The following CADM2 variants were observed in gnomAD, a reference collection of about 807,000 sequenced individuals.
CADM2 encodes cell adhesion molecule 2.
CADM2 carries 12 observed loss-of-function variants against 49.8 expected under a neutral mutation model. The ratio of observed to expected loss-of-function variants is 0.24; its 90% CI spans 0.15 to 0.39. The LOEUF (loss-of-function observed/expected upper bound fraction) is 0.39. Ranked by LOEUF, CADM2 falls within the 10% of genes least tolerant of loss-of-function variation. CADM2 has a pLI of 1.00. For synonymous variants in CADM2, 214 were observed against 175.4 expected, an observed-to-expected ratio of 1.22 and a Z score of -1.74; for missense variants, 378 against 492.3, an observed-to-expected ratio of 0.77 and a Z score of 2.20.
chr3:85,205,997 T>C (rs571485201), intron 1 of CADM2, among the ~76,000 whole-genome samples: 1 of 152,158 alleles, frequency 6.6e-6, no homozygotes, highest in South Asian at 2.1e-4. Context: ...AAATACTTCA[T>C]GAAGAGCCGG....
chr3:85,352,031 C>T lies in CADM2; in HGVS notation c.62-374491C>T, dbSNP rs151013691. On this transcript the variant is annotated intron_variant, in intron 1 of 9. Transcript: ENST00000383699. ...TGTTTAAGTCATATATTGCTGTTGACTTTGAGTATTTCCTTAAATACTTTT... is the reference window on the plus strand; with the variant it reads ...TGTTTAAGTCATATATTGCTGTTGATTTTGAGTATTTCCTTAAATACTTTT... Among the ~76,000 whole-genome samples the T allele has an allele frequency of 2.3e-3, 346 of 152,058 alleles. 2 individuals are homozygous for T. Among genetic ancestry groups the T allele is most frequent in the African/African-American group, 8.0e-3 (332 of 41,504 alleles).
At chr3:85,168,721 A>G (rs1311490910) in intron 1 of CADM2, among the ~76,000 whole-genome samples, 6 of 152,164 alleles carry the variant, frequency 3.9e-5, no homozygotes, top group South Asian at 2.1e-4. Context: ...TCTGAAATAA[A>G]ACTTAATAGA....
chr3:85,860,399 G>GA (rs112545486), intron 3 of CADM2, among the ~76,000 whole-genome samples: 4 of 151,362 alleles, frequency 2.6e-5, no homozygotes, highest in Admixed American at 1.3e-4. Context: ...TATATGGAGG[G>GA]AAAAAAAACA....
Position 85,988,369 on chromosome 3 carries a change from C to T in CADM2, c.970+26722C>T, listed in dbSNP as rs748598403. ...ATAAGGTAACTACAAGACAAGGAAG[C>T]AGATTTTTCTGAATACCTTCTGAAA... On this transcript the variant is annotated intron_variant, in intron 8 of 9. Transcript: ENST00000383699. 3.5e-4 allele frequency among the ~76,000 whole-genome samples: 54 copies of T among 152,122 alleles called. 1 individual carries two copies. The highest frequency in any genetic ancestry group is 1.9e-3 in the Admixed American group (29 of 15,260).
At chr3:85,659,482 A>C (rs528088468) in intron 1 of CADM2, among the ~76,000 whole-genome samples, 14 of 152,252 alleles carry the variant, frequency 9.2e-5, no homozygotes, top group African/African-American at 3.4e-4. Flanking sequence ...GTAAACCAAA[A>C]AATAATGCAG....
chr3:85,717,050 G>C (rs946972735), intron 1 of CADM2, among the ~76,000 whole-genome samples: 1 of 152,200 alleles, frequency 6.6e-6, no homozygotes, highest in Non-Finnish European at 1.5e-5. Context: ...GTTGTAGCTT[G>C]ATGGGAATAG....
At chr3:85,213,916 C>A (rs1313458472) in intron 1 of CADM2, among the ~76,000 whole-genome samples, 1 of 152,044 alleles carries the variant, frequency 6.6e-6, no homozygotes, top group South Asian at 2.1e-4. Context: ...TGCTTTATTC[C>A]TTGTAATCAT....
chr3:86,004,218 C>G (rs1577920670), intron 8 of CADM2, among the ~76,000 whole-genome samples: 2 of 152,026 alleles, frequency 1.3e-5, no homozygotes, highest in East Asian at 3.9e-4. Flanking sequence ...AAATAACATT[C>G]CAGTTACAAT....
chr3:85,765,768 T>A (rs918231439), intron 2 of CADM2, among the ~76,000 whole-genome samples: 4 of 152,106 alleles, frequency 2.6e-5, no homozygotes, highest in Non-Finnish European at 5.9e-5. Context: ...ATCTTGTATC[T>A]TATTGAGTAT....
intron 8 of CADM2, among the ~76,000 whole-genome samples, chr3:86,001,055 A>C (rs1027073888): frequency 1.3e-5 from 2 of 152,172 alleles, no homozygotes; most frequent in Non-Finnish European, 2.9e-5. Flanking sequence ...AGAAAGGTAC[A>C]ATGATTAATA....
intron 1 of CADM2, among the ~76,000 whole-genome samples, chr3:85,303,663 T>C (rs889830936): frequency 1.3e-5 from 2 of 151,960 alleles, no homozygotes; most frequent in African/African-American, 4.8e-5. Flanking sequence ...CATTTGACTT[T>C]CTCTTGGTAT....
chr3:84,976,817 T>A (rs996566266), intron 1 of CADM2, among the ~76,000 whole-genome samples: 1 of 151,942 alleles, frequency 6.6e-6, no homozygotes, highest in Non-Finnish European at 1.5e-5. Context: ...GCAAACAGAT[T>A]ACTCTGGCAT....
chr3:84,962,140 C>CAATAAATA (rs34672884), intron 1 of CADM2, among the ~76,000 whole-genome samples: 7,127 of 148,422 alleles, frequency 0.048, 201 homozygotes, highest in East Asian at 0.096. Flanking sequence ...GCATTAGGTC[C>CAATAAATA]AATAAATAAA....
At chr3:85,866,971 A>G (rs1224416692) in intron 3 of CADM2, among the ~76,000 whole-genome samples, 1 of 152,184 alleles carries the variant, frequency 6.6e-6, no homozygotes, top group East Asian at 1.9e-4. Context: ...AAGTTCTAGT[A>G]GAATGAATAA....
intron 8 of CADM2, among the ~76,000 whole-genome samples, chr3:86,042,345 G>A (rs1475991373): frequency 6.6e-6 from 1 of 151,916 alleles, no homozygotes; most frequent in African/African-American, 2.4e-5. Context: ...GACTAATAAA[G>A]AAGAAAAGAG....
At chr3:85,634,257 A>T (rs1354462047) in intron 1 of CADM2, among the ~76,000 whole-genome samples, 1 of 152,002 alleles carries the variant, frequency 6.6e-6, no homozygotes, top group African/African-American at 2.4e-5. Flanking sequence ...TAAAGAGAAT[A>T]TTTTACTTAG....
At chr3:85,598,320 T>C (rs1204634184) in intron 1 of CADM2, among the ~76,000 whole-genome samples, 1 of 136,964 alleles carries the variant, frequency 7.3e-6, no homozygotes, top group African/African-American at 2.5e-5. Flanking sequence ...CCTAGAAACG[T>C]GAAGAAACCC....
chr3:85,320,940 T>A lies in CADM2; in HGVS notation c.61+361272T>A, dbSNP rs901959312. On this transcript the variant is annotated intron_variant, in intron 1 of 9. Coordinates refer to ENST00000383699, the MANE Select transcript of CADM2 (RefSeq NM_001167675.2). The stretch of plus-strand genomic sequence containing the variant: ...GATTTATTTCTGTTAGATTTTTTTT[T>A]AAATTCTACCAGTATCCACTATAAT... 5.3e-5 allele frequency among the ~76,000 whole-genome samples: 8 copies of A among 150,632 alleles called. No homozygotes were observed. The South Asian group carries it at 1.0e-3, about 20-fold the overall frequency.
At chr3:85,977,895 C>T (rs909959724) in intron 8 of CADM2, among the ~76,000 whole-genome samples, 2 of 151,422 alleles carry the variant, frequency 1.3e-5, no homozygotes, top group East Asian at 3.9e-4. Context: ...CTGGTGTATC[C>T]AGTGTAGAAA....
Sources: gnomAD v4.1 joint callset for allele counts (sites outside exome capture counted in the v4.1 genomes callset) on GRCh38, gnomAD v4.1.1 for gene constraint, MANE v1.5 for transcripts, NCBI Gene and HGNC (gene_info 2026-07-23, HGNC 2026-07-21) for gene names.